The following ACTR3C variants were observed in gnomAD, a reference collection of about 807,000 sequenced individuals.
The protein encoded by ACTR3C is actin-related protein 3C.
In ACTR3C, 18 loss-of-function variants were observed where a neutral mutation model predicts 26.3. That is an observed-to-expected ratio of 0.68 (90% CI 0.47 to 1.01). The LOEUF is 1.01. ACTR3C is among the 50% of genes least tolerant of loss of function. The pLI, the probability that ACTR3C is intolerant of heterozygous loss-of-function variation, is 0.00. For missense variants in ACTR3C, 184 were observed against 250.7 expected (o/e 0.73, Z 1.80); for synonymous variants, 55 against 94.5 (o/e 0.58, Z 2.42).
chr7:150,042,499 G>A, the ACTR3C span, among the ~76,000 whole-genome samples: 59 of 150,238 alleles, frequency 3.9e-4, no homozygotes, highest in African/African-American at 1.3e-3. Context: ...CCGCCTCGCG[G>A]GGATTGCCTC....
chr7:149,955,591 C>A, the ACTR3C span, among the ~76,000 whole-genome samples: 9 of 152,230 alleles, frequency 5.9e-5, no homozygotes, highest in East Asian at 1.7e-3. Flanking sequence ...GTTTTTGCAA[C>A]AAGCTGTATT....
the ACTR3C span, among the ~76,000 whole-genome samples, chr7:149,966,347 T>G: frequency 6.6e-6 from 1 of 152,200 alleles, no homozygotes; most frequent in Non-Finnish European, 1.5e-5. Context: ...AACACAATGA[T>G]GTGCAAAGTC....
chr7:150,306,522 C>G (rs1795816130), intron 1 of ACTR3C, among the ~76,000 whole-genome samples: 1 of 152,226 alleles, frequency 6.6e-6, no homozygotes, highest in African/African-American at 2.4e-5. Context: ...CACTCACACA[C>G]AGCCAGTTTC....
At chr7:150,039,893 C>T in the ACTR3C span, among the ~76,000 whole-genome samples, 168 of 123,438 alleles carry the variant, frequency 1.4e-3, 9 homozygotes, top group African/African-American at 4.7e-3. Flanking sequence ...GTCCCCGTGT[C>T]GTGAGGGGTG....
the ACTR3C span, among the ~76,000 whole-genome samples, chr7:149,986,713 A>G: frequency 6.6e-6 from 1 of 152,134 alleles, no homozygotes; most frequent in Non-Finnish European, 1.5e-5. Flanking sequence ...TTTCTCGCAC[A>G]AAACTCCCCA....
At chr7:150,263,244 G>T (rs535425856) in intron 6 of ACTR3C, among the ~76,000 whole-genome samples, 1 of 151,880 alleles carries the variant, frequency 6.6e-6, no homozygotes, top group African/African-American at 2.4e-5. Flanking sequence ...GTCCAGTGGC[G>T]ATCTGGGGCC....
chr7:150,171,249 G>T, the ACTR3C span, among the ~76,000 whole-genome samples: 1 of 147,566 alleles, frequency 6.8e-6, no homozygotes, highest in East Asian at 1.9e-4. Context: ...ATTTAAAAGG[G>T]TTAAAGTCAT....
At chr7:149,951,814 G>A in the ACTR3C span, among the ~76,000 whole-genome samples, 4 of 150,086 alleles carry the variant, frequency 2.7e-5, no homozygotes, top group Non-Finnish European at 4.4e-5. Flanking sequence ...CAGATGGTGT[G>A]TAGGCGCCAG....
the ACTR3C span, among the ~76,000 whole-genome samples, chr7:149,932,368 T>C: frequency 6.6e-6 from 1 of 152,236 alleles, no homozygotes; most frequent in Admixed American, 6.5e-5. Flanking sequence ...GGGATTTCTA[T>C]TTTGGATGAT....
chr7:150,308,157 A>G (rs1417608766), intron 1 of ACTR3C, among the ~76,000 whole-genome samples: 1 of 151,946 alleles, frequency 6.6e-6, no homozygotes, highest in Admixed American at 6.6e-5. Flanking sequence ...TGGCAAGTAC[A>G]ACCTCCCCTG....
At chr7:150,037,579 G>T in the ACTR3C span, among the ~76,000 whole-genome samples, 1 of 33,674 alleles carries the variant, frequency 3.0e-5, no homozygotes, top group Non-Finnish European at 5.8e-5. Context: ...GAACCCGGGG[G>T]GGAAGAGGGA....
At chr7:150,236,311 T>A in the ACTR3C span, among the ~76,000 whole-genome samples, 2 of 152,324 alleles carry the variant, frequency 1.3e-5, no homozygotes, top group African/African-American at 4.8e-5. Context: ...GTATTAGCAT[T>A]CATCAATATT....
the ACTR3C span, among the ~76,000 whole-genome samples, chr7:150,153,288 C>G: frequency 7.2e-5 from 11 of 151,880 alleles, no homozygotes; most frequent in African/African-American, 2.7e-4. Flanking sequence ...AACAGGCAAC[C>G]TACAGAATGG....
chr7:150,301,266 A>G (rs1795424128), intron 1 of ACTR3C, among the ~76,000 whole-genome samples: 1 of 152,234 alleles, frequency 6.6e-6, no homozygotes, highest in South Asian at 2.1e-4. Flanking sequence ...CAGGAGAGAA[A>G]GGTTAAGAAG....
chr7:150,253,960 A>C (rs1321581322), intron 6 of ACTR3C, among the ~76,000 whole-genome samples: 2 of 151,802 alleles, frequency 1.3e-5, no homozygotes, highest in African/African-American at 4.8e-5. Flanking sequence ...GTATAGACTC[A>C]GTCAGTAGGG....
At chr7:150,184,112 T>C in the ACTR3C span, among the ~76,000 whole-genome samples, 1 of 150,762 alleles carries the variant, frequency 6.6e-6, no homozygotes, top group Admixed American at 6.6e-5. Flanking sequence ...AACAGACTAA[T>C]ACACACTATT....
downstream of ACTR3C, among the ~76,000 whole-genome samples, chr7:150,239,503 GCTCGCT>G (rs1221140736): frequency 1.2e-3 from 112 of 96,390 alleles, 6 homozygotes; most frequent in African/African-American, 5.3e-3. Context: ...CATAAAAGTT[GCTCGCT>G]CTCTCTCTCT....
chr7:150,217,051 G>T, the ACTR3C span, among the ~76,000 whole-genome samples: 2 of 147,510 alleles, frequency 1.4e-5, no homozygotes, highest in African/African-American at 2.7e-5. Context: ...TAATAAAAAG[G>T]GTTTTAAAGT....
intron 2 of ACTR3C, among the ~76,000 whole-genome samples, chr7:150,293,900 C>T (rs1056977878): frequency 1.3e-5 from 2 of 152,016 alleles, no homozygotes; most frequent in African/African-American, 4.8e-5. Context: ...CGCACCACTG[C>T]ACTCCAGCCT....
Sources: gnomAD v4.1 joint callset for allele counts (sites outside exome capture counted in the v4.1 genomes callset) on GRCh38, gnomAD v4.1.1 for gene constraint, MANE v1.5 for transcripts, NCBI Gene and HGNC (gene_info 2026-07-23, HGNC 2026-07-21) for gene names.